Variants in SAMMSON observed in about 807,000 individuals in gnomAD.
The protein encoded by SAMMSON is survival associated mitochondrial melanoma specific oncogenic non-coding RNA, also known as long intergenic non-protein coding RNA 1212.
chr3:70,172,015 AC>A (rs1700961421), intron 4 of SAMMSON, among the ~76,000 whole-genome samples: 1 of 151,926 alleles, frequency 6.6e-6, no homozygotes, highest in Non-Finnish European at 1.5e-5. Context: ...CTGGAAAGTA[AC>A]CTGAAAAAGA....
At chr3:70,106,536 T>C (rs914838319) in intron 4 of SAMMSON, among the ~76,000 whole-genome samples, 6 of 151,232 alleles carry the variant, frequency 4.0e-5, no homozygotes, top group African/African-American at 1.5e-4. Context: ...GATAGAGTCT[T>C]GGTATGTTAC....
chr3:70,186,058 C>T (rs527791360), intron 4 of SAMMSON, among the ~76,000 whole-genome samples: 2 of 152,200 alleles, frequency 1.3e-5, no homozygotes, highest in African/African-American at 2.4e-5. Flanking sequence ...CTACAGAGAT[C>T]TATTTATTCT....
intron 4 of SAMMSON, among the ~76,000 whole-genome samples, chr3:70,134,307 G>A: frequency 6.7e-6 from 1 of 149,680 alleles, no homozygotes; most frequent in African/African-American, 2.4e-5. Flanking sequence ...AGAAGTTTGT[G>A]CCCAGTAGTG....
chr3:70,054,331 AC>A (rs2067158334), intron 3 of SAMMSON, among the ~76,000 whole-genome samples: 1 of 152,082 alleles, frequency 6.6e-6, no homozygotes, highest in South Asian at 2.1e-4. Context: ...AAGCAGTAAT[AC>A]CCATCTCTGG....
At chr3:70,211,755 C>T (rs1701352134) in intron 4 of SAMMSON, among the ~76,000 whole-genome samples, 1 of 142,254 alleles carries the variant, frequency 7.0e-6, no homozygotes, top group Admixed American at 7.4e-5. Flanking sequence ...TTCCTTTCTG[C>T]TTTTCTTTCT....
intron 8 of SAMMSON, among the ~76,000 whole-genome samples, chr3:70,357,306 G>A (rs978867326): frequency 1.3e-5 from 2 of 152,108 alleles, no homozygotes; most frequent in South Asian, 4.1e-4. Context: ...ACTCAGGAAA[G>A]CATCTTTTTG....
chr3:70,079,484 G>C (rs1043537549), intron 4 of SAMMSON, among the ~76,000 whole-genome samples: 1 of 152,116 alleles, frequency 6.6e-6, no homozygotes, highest in Non-Finnish European at 1.5e-5. Context: ...AAAGTGATAT[G>C]CATTCAGTAG....
intron 4 of SAMMSON, among the ~76,000 whole-genome samples, chr3:70,119,021 C>T (rs1015355643): frequency 7.2e-5 from 11 of 152,204 alleles, no homozygotes; most frequent in African/African-American, 2.2e-4. Flanking sequence ...CTTTTCTCCT[C>T]GTGTTCATGT....
At chr3:70,182,193 G>T (rs893395954) in intron 4 of SAMMSON, among the ~76,000 whole-genome samples, 4 of 152,042 alleles carry the variant, frequency 2.6e-5, no homozygotes, top group African/African-American at 4.8e-5. Context: ...CCCTCAGAAA[G>T]CTTGCTTATC....
At chr3:70,180,036 G>A (rs1255997722) in intron 4 of SAMMSON, among the ~76,000 whole-genome samples, 4 of 151,216 alleles carry the variant, frequency 2.6e-5, no homozygotes, top group South Asian at 2.1e-4. Context: ...GTGCGCGCAC[G>A]TGTGTGTGAA....
At chr3:70,269,290 C>G (rs943321209) in intron 6 of SAMMSON, among the ~76,000 whole-genome samples, 1 of 152,220 alleles carries the variant, frequency 6.6e-6, no homozygotes, top group South Asian at 2.1e-4. Context: ...TAAGTTTAGC[C>G]TAAAGCTGGC....
At chr3:70,410,887 CCCA>C (rs1701212737) in intron 2 of SAMMSON, among the ~76,000 whole-genome samples, 2 of 152,176 alleles carry the variant, frequency 1.3e-5, no homozygotes, top group African/African-American at 4.8e-5. Context: ...TTCACTGAAA[CCCA>C]TAAGAAATTG....
In SAMMSON at chr3:70,008,404, A is replaced by G. The variant is rs566506425; in HGVS notation, n.23-3953A>G. 5.3e-5 allele frequency among the ~76,000 whole-genome samples: 8 copies of G among 152,258 alleles called. 1 individual carries two copies. In the South Asian group the frequency reaches 1.7e-3, roughly 32 times the overall value. On this transcript the variant is annotated intron_variant and non_coding_transcript_variant, in intron 1 of 9. Transcript: ENST00000642114. Reference sequence around the variant, plus strand: ...TTCCTAGGTATTTTATTCTCTTTGAAGCAATTGTGAATGGGAGTTCACTCA... The same window carrying G: ...TTCCTAGGTATTTTATTCTCTTTGAGGCAATTGTGAATGGGAGTTCACTCA...
intron 6 of SAMMSON, among the ~76,000 whole-genome samples, chr3:70,290,852 C>G (rs2106692673): frequency 6.6e-6 from 1 of 152,308 alleles, no homozygotes; most frequent in East Asian, 1.9e-4. Context: ...CTTTCTTTGA[C>G]TAGGAAAGGG....
intron 4 of SAMMSON, among the ~76,000 whole-genome samples, chr3:70,231,927 C>T (rs1701563303): frequency 6.6e-6 from 1 of 152,148 alleles, no homozygotes; most frequent in African/African-American, 2.4e-5. Flanking sequence ...TGATGCTACA[C>T]CAAATAACAG....
intron 2 of SAMMSON, among the ~76,000 whole-genome samples, chr3:70,426,154 T>C (rs1701365931): frequency 6.6e-6 from 1 of 152,218 alleles, no homozygotes; most frequent in Non-Finnish European, 1.5e-5. Context: ...TAAAATGACA[T>C]GACAAATAAT....
chr3:70,059,705 C>T (rs2067180579), intron 3 of SAMMSON, among the ~76,000 whole-genome samples: 1 of 152,030 alleles, frequency 6.6e-6, no homozygotes, highest in South Asian at 2.1e-4. Flanking sequence ...CACAGACACA[C>T]CAGAAATAAT....
chr3:70,047,032 T>A (rs1171614454), intron 3 of SAMMSON, among the ~76,000 whole-genome samples: 2 of 152,130 alleles, frequency 1.3e-5, no homozygotes, highest in Non-Finnish European at 2.9e-5. Context: ...AATTCCCTTT[T>A]GGCAGGTGAG....
intron 7 of SAMMSON, among the ~76,000 whole-genome samples, chr3:70,292,415 T>C (rs1161489696): frequency 6.6e-6 from 1 of 152,154 alleles, no homozygotes; most frequent in African/African-American, 2.4e-5. Flanking sequence ...ACTCAATTAT[T>C]GTCACTTACT....
Sources: gnomAD v4.1 joint callset for allele counts (sites outside exome capture counted in the v4.1 genomes callset) on GRCh38, gnomAD v4.1.1 for gene constraint, MANE v1.5 for transcripts, NCBI Gene and HGNC (gene_info 2026-07-23, HGNC 2026-07-21) for gene names.